The following CRACR2A variants were observed in gnomAD, a reference collection of about 807,000 sequenced individuals.
The protein encoded by CRACR2A is calcium release activated channel regulator 2A.
CRACR2A carries 79 observed loss-of-function variants against 90.5 expected under a neutral mutation model. The observed-to-expected ratio is 0.87, with a 90% confidence interval of 0.73 to 1.05. The LOEUF (loss-of-function observed/expected upper bound fraction) is 1.05. CRACR2A is among the 50% of genes least tolerant of loss of function. The pLI is 0.00. For missense variants in CRACR2A, 823 were observed against 897.2 expected (o/e 0.92, Z 1.06); for synonymous variants, 338 against 356.7 (o/e 0.95, Z 0.59).
intron 3 of CRACR2A, among the ~76,000 whole-genome samples, chr12:3,712,912 C>G (rs1288175375): frequency 6.6e-6 from 1 of 151,976 alleles, no homozygotes; most frequent in Non-Finnish European, 1.5e-5. Flanking sequence ...GGCTAGCAGA[C>G]CCTCTCTGGA....
intron 4 of CRACR2A, among the ~76,000 whole-genome samples, chr12:3,681,040 C>T (rs1280857623): frequency 6.6e-6 from 1 of 152,178 alleles, no homozygotes; most frequent in Non-Finnish European, 1.5e-5. Flanking sequence ...CCTTTCCTCT[C>T]CCGTACCACG....
At chr12:3,698,075 A>G (rs1468286190) in intron 3 of CRACR2A, among the ~76,000 whole-genome samples, 1 of 152,198 alleles carries the variant, frequency 6.6e-6, no homozygotes, top group Admixed American at 6.5e-5. Flanking sequence ...AGTTCTGAGC[A>G]TCTGTAAGTC....
intron 4 of CRACR2A, among the ~76,000 whole-genome samples, chr12:3,694,263 C>A (rs1945700501): frequency 6.6e-6 from 1 of 152,210 alleles, no homozygotes; most frequent in African/African-American, 2.4e-5. Context: ...ATTTTCAAAA[C>A]AAATGCAAGC....
At chr12:3,720,317 AAG>A (rs1261565661) in intron 2 of CRACR2A, among the ~76,000 whole-genome samples, 3 of 146,368 alleles carry the variant, frequency 2.0e-5, no homozygotes, top group Non-Finnish European at 4.5e-5. Context: ...GAAGGAAAGA[AAG>A]AGAGACAGAA....
At chr12:3,643,822 T>TAA (rs1251471008) in intron 12 of CRACR2A, among the ~76,000 whole-genome samples, 7 of 111,008 alleles carry the variant, frequency 6.3e-5, no homozygotes, top group African/African-American at 2.4e-4. Flanking sequence ...TATATTTATA[T>TAA]TATATATAAA....
chr12:3,660,794 G>A (rs1212468265), intron 7 of CRACR2A, among the ~76,000 whole-genome samples: 3 of 149,010 alleles, frequency 2.0e-5, no homozygotes, highest in Admixed American at 2.0e-4. Flanking sequence ...CTGTGAACAG[G>A]CTAATGTGGC....
At chr12:3,713,582 G>A (rs1167292376) in intron 2 of CRACR2A, among the ~76,000 whole-genome samples, 3 of 152,190 alleles carry the variant, frequency 2.0e-5, no homozygotes, top group Non-Finnish European at 4.4e-5. Context: ...CCTTGTGCAT[G>A]AGAAGGGGGT....
intron 7 of CRACR2A, among the ~76,000 whole-genome samples, chr12:3,667,214 C>T (rs1945165669): frequency 1.3e-5 from 2 of 152,194 alleles, no homozygotes; most frequent in Admixed American, 1.3e-4. Flanking sequence ...AGTGAAGTAA[C>T]CAAATTTCCA....
rs74055974 is a variant in CRACR2A at position 3,678,103 on chromosome 12, A to T, written c.524+812T>A. On this transcript the variant is annotated intron_variant, in intron 6 of 19. Coordinates refer to ENST00000440314, the MANE Select transcript of CRACR2A (RefSeq NM_001144958.2). ...TAACCCAAGACCTAAGGACCCCAAA[A>T]CAAAAAGGCCAAAGGCAAAGGCTAA... Among the ~76,000 whole-genome samples the T allele has an allele frequency of 8.1e-3, 1,238 of 152,274 alleles. 19 individuals are homozygous for T. Among genetic ancestry groups the T allele is most frequent in the African/African-American group, 0.028 (1,144 of 41,548 alleles).
Position 3,746,352 on chromosome 12 carries a change from G to GCTCTCTCTCT in CRACR2A, c.-387+6653_-387+6662dup, listed in dbSNP as rs145041742. On this transcript the variant is annotated intron_variant, in intron 1 of 19. Transcript: ENST00000440314. This position sits in a 1 kb window ranked among gnomAD's most constrained non-coding sequence, Gnocchi z 4.4. ...GCCCATCATGAAGAGACACCAGAGAGCTCTCTCTCTCTCTCTCTCTCCCCA... is the reference window on the plus strand; with the variant it reads ...GCCCATCATGAAGAGACACCAGAGAGCTCTCTCTCTCTCTCTCTCTCTCTCTCTCTCCCCA... Among the ~76,000 whole-genome samples, 9 of 147,224 alleles carry GCTCTCTCTCT rather than the reference G, an allele frequency of 6.1e-5. No homozygotes were observed. The highest frequency in any genetic ancestry group is 3.4e-4 in the Admixed American group (5 of 14,798).
At chr12:3,682,928 G>A (rs1358543409) in intron 4 of CRACR2A, among the ~76,000 whole-genome samples, 2 of 151,898 alleles carry the variant, frequency 1.3e-5, no homozygotes, top group Non-Finnish European at 1.5e-5. Flanking sequence ...GACTACAAAC[G>A]CCCACCACCA....
rs143449031 is a variant in CRACR2A at position 3,745,957 on chromosome 12, C to T, written c.-387+7058G>A. 7.6e-3 allele frequency among the ~76,000 whole-genome samples: 1,155 copies of T among 152,072 alleles called. 23 individuals carry two copies. The highest frequency in any genetic ancestry group is 0.026 in the African/African-American group (1,096 of 41,476). On this transcript the variant is annotated intron_variant, in intron 1 of 19. Coordinates refer to ENST00000440314, the MANE Select transcript of CRACR2A (RefSeq NM_001144958.2). ...TGGCCAGTGTCTCTCATCTCCCTCCCGCTGACCTCCCTGACCCCATTCATG... is the reference window on the plus strand; with the variant it reads ...TGGCCAGTGTCTCTCATCTCCCTCCTGCTGACCTCCCTGACCCCATTCATG...
chr12:3,658,986 T>A (rs774034200), intron 8 of CRACR2A, among the ~76,000 whole-genome samples: 5 of 152,172 alleles, frequency 3.3e-5, no homozygotes, highest in Non-Finnish European at 7.3e-5. Flanking sequence ...TACCACTTCC[T>A]CCGTGGTATC....
chr12:3,643,991 G>A (rs1455305751), intron 12 of CRACR2A, among the ~76,000 whole-genome samples: 6 of 135,358 alleles, frequency 4.4e-5, no homozygotes, highest in Non-Finnish European at 9.2e-5. Context: ...AATACTAGAG[G>A]TGGAGAGGGC....
Position 3,633,746 on chromosome 12 carries a change from G to A in CRACR2A, c.1603-10C>T, listed in dbSNP as rs1477812832. 2.6e-6 allele frequency: 4 copies of A among 1,551,512 alleles called. No individual in the cohort carries two copies. The highest frequency in any genetic ancestry group is 1.7e-6 in the Non-Finnish European group (2 of 1,146,968). ...AGGGAGAGCTTTCCTCCTGTGGATG[G>A]CACACAATCTGACCAACTGCAGGGA... is the stretch of plus-strand genomic sequence containing the variant. On this transcript the variant is annotated splice_polypyrimidine_tract_variant and intron_variant, in intron 14 of 19. Transcript: ENST00000440314. The surrounding 1 kb of genome is among the most constrained non-coding windows in gnomAD (Gnocchi z 4.5).
chr12:3,640,760 C>G, intron 13 of CRACR2A: 2 of 1,305,378 alleles, frequency 1.5e-6, no homozygotes, highest in Non-Finnish European at 2.0e-6. Context: ...GTCGGGATGC[C>G]TCTATCTCTC....
At chr12:3,628,525 C>T (rs959423960) in intron 15 of CRACR2A, among the ~76,000 whole-genome samples, 3 of 152,196 alleles carry the variant, frequency 2.0e-5, no homozygotes, top group Non-Finnish European at 4.4e-5. Context: ...GTGACCCTAC[C>T]TGGGGTCCTC....
chr12:3,649,442 A>G (rs1431577715), intron 10 of CRACR2A, among the ~76,000 whole-genome samples: 1 of 152,070 alleles, frequency 6.6e-6, no homozygotes, highest in Non-Finnish European at 1.5e-5. Flanking sequence ...GCTCTGGAAG[A>G]ATCACCTTCT....
At chr12:3,726,109 G>A (rs188670086) in intron 2 of CRACR2A, 4 of 152,066 alleles carry the variant, frequency 2.6e-5, no homozygotes, top group Non-Finnish European at 4.4e-5. Flanking sequence ...AAAGTCGGTC[G>A]ACCCAAACGC....
Sources: gnomAD v4.1 joint callset for allele counts (sites outside exome capture counted in the v4.1 genomes callset) on GRCh38, gnomAD v4.1.1 for gene constraint, Gnocchi (gnomAD v3.1) non-coding constraint, MANE v1.5 for transcripts, NCBI Gene and HGNC (gene_info 2026-07-23, HGNC 2026-07-21) for gene names.